Variants in CLIC5 observed in about 807,000 individuals in gnomAD.
CLIC5 encodes chloride intracellular channel protein 5.
A neutral mutation model predicts 24.7 loss-of-function variants in CLIC5; 20 were observed. The ratio of observed to expected loss-of-function variants is 0.81; its 90% CI spans 0.57 to 1.18. The LOEUF is 1.18. Among genes scored for constraint, CLIC5 ranks in the 50% most tolerant of loss-of-function variants. The pLI, the probability that CLIC5 is intolerant of heterozygous loss-of-function variation, is 0.00. For missense variants in CLIC5, 341 were observed against 326.1 expected (o/e 1.05, Z -0.35); for synonymous variants, 159 against 135.6 (o/e 1.17, Z -1.20).
At position 46,000,045 on chromosome 6, in the gene CLIC5, C is replaced by T. The variant is rs140434517; in HGVS notation, c.63+15435G>A. ...GATTACAGGCGTGAGCCACCGCGCC[C>T]GGCCTTCCTTGTGGTTTTTTAAATA... is the stretch of plus-strand genomic sequence containing the variant. On this transcript the variant is annotated intron_variant, in intron 1 of 5. Transcript: ENST00000339561. 3.0e-3 allele frequency among the ~76,000 whole-genome samples: 77 copies of T among 25,766 alleles called. 28 individuals are homozygous for T. The highest frequency in any genetic ancestry group is 0.012 in the African/African-American group (70 of 5,796). The allele number at this position is 25,766 out of a possible 152,430, so 16.9% of individuals were successfully genotyped here.
upstream of CLIC5, among the ~76,000 whole-genome samples, chr6:46,084,663 C>T (rs1438173677): frequency 6.6e-6 from 1 of 152,178 alleles, no homozygotes; most frequent in African/African-American, 2.4e-5. Flanking sequence ...TGATGGGCTT[C>T]CCTTTGTGGG....
chr6:46,065,804 G>T (rs966322144), intron 1 of CLIC5, among the ~76,000 whole-genome samples: 1 of 152,168 alleles, frequency 6.6e-6, no homozygotes, highest in Non-Finnish European at 1.5e-5. Flanking sequence ...CTTTTGAGGT[G>T]ATGGGAATGT....
At chr6:45,958,896 T>C (rs2045234591) in intron 1 of CLIC5, among the ~76,000 whole-genome samples, 1 of 152,132 alleles carries the variant, frequency 6.6e-6, no homozygotes, top group South Asian at 2.1e-4. Flanking sequence ...CCTCCCTTTT[T>C]GTGGCTTGAG....
At chr6:46,037,788 C>A (rs1767702338) in intron 1 of CLIC5, among the ~76,000 whole-genome samples, 1 of 152,136 alleles carries the variant, frequency 6.6e-6, no homozygotes, top group Non-Finnish European at 1.5e-5. Flanking sequence ...CTTGGGTGTG[C>A]ACCAGGGAAG....
At chr6:45,950,532 C>T (rs1403713220) in intron 2 of CLIC5, among the ~76,000 whole-genome samples, 1 of 152,202 alleles carries the variant, frequency 6.6e-6, no homozygotes, top group Non-Finnish European at 1.5e-5. Flanking sequence ...GATGGCACCA[C>T]TGCCCTCCAG....
At chr6:46,014,509 T>C (rs1766923268) in intron 1 of CLIC5, 1 of 152,208 alleles carries the variant, frequency 6.6e-6, no homozygotes, top group African/African-American at 2.4e-5. Flanking sequence ...TCCCCCTTTG[T>C]GAAAGGTCTT....
At chr6:46,021,085 A>G (rs1767165379) in intron 1 of CLIC5, among the ~76,000 whole-genome samples, 1 of 133,648 alleles carries the variant, frequency 7.5e-6, no homozygotes, top group Non-Finnish European at 1.6e-5. Context: ...AATTTTTACA[A>G]CTCAAAAAAA....
chr6:45,947,008 A>G (rs1253049417), intron 3 of CLIC5, among the ~76,000 whole-genome samples: 1 of 152,230 alleles, frequency 6.6e-6, no homozygotes, highest in East Asian at 1.9e-4. Flanking sequence ...CAGCGGGAGC[A>G]GAGCTCAGGA....
At chr6:45,999,401 G>A (rs193219565) in intron 1 of CLIC5, among the ~76,000 whole-genome samples, 1 of 152,118 alleles carries the variant, frequency 6.6e-6, no homozygotes, top group East Asian at 1.9e-4. Context: ...GTGGATGTGG[G>A]TATTTCAGTT....
In CLIC5 at chr6:45,902,966, A is replaced by C; in HGVS notation, c.*122T>G. 2 of 1,075,660 alleles carry C rather than the reference A, an allele frequency of 1.9e-6. No homozygotes were observed. The highest frequency in any genetic ancestry group is 1.4e-6 in the Non-Finnish European group (1 of 727,668). 66.6% of individuals were successfully genotyped at this position (1,075,660 alleles called of 1,614,324 possible). On this transcript the variant is annotated 3_prime_UTR_variant, in exon 6 of 6. Transcript: ENST00000339561. ...AGGCTGGAGTTCCCATGATACCAGC[A>C]AGATGAGGCTTGATTATAAAAAGTG...
At chr6:45,969,415 T>A (rs1255037477) in intron 1 of CLIC5, among the ~76,000 whole-genome samples, 1 of 152,112 alleles carries the variant, frequency 6.6e-6, no homozygotes. Flanking sequence ...AGAAGCACCC[T>A]TTTTGGAAGG....
chr6:46,095,204 T>A, the CLIC5 span, among the ~76,000 whole-genome samples: 1 of 151,780 alleles, frequency 6.6e-6, no homozygotes, highest in Non-Finnish European at 1.5e-5. Context: ...AGGTCTGTGA[T>A]GGGACGGGCT....
chr6:45,955,126 G>A lies in CLIC5; in HGVS notation c.173+9C>T, dbSNP rs373598794. ...TAAACATACTCCTCATTTATGCAAC[G>A]TACGTTACCTTTTCAGATCCACAGT... is the stretch of plus-strand genomic sequence containing the variant. On this transcript the variant is annotated intron_variant, in intron 2 of 5. Coordinates refer to ENST00000339561, the MANE Select transcript of CLIC5 (RefSeq NM_016929.5). 1.1e-5 allele frequency: 17 copies of A among 1,595,414 alleles called. No homozygotes were observed. Among genetic ancestry groups the A allele is most frequent in the Admixed American group, 1.7e-5 (1 of 59,772 alleles).
intron 1 of CLIC5, among the ~76,000 whole-genome samples, chr6:46,062,302 T>A (rs1311300545): frequency 6.6e-6 from 1 of 152,272 alleles, no homozygotes; most frequent in Non-Finnish European, 1.5e-5. Flanking sequence ...AATGCACTTG[T>A]GGTTCAACTT....
intron 3 of CLIC5, among the ~76,000 whole-genome samples, chr6:45,947,119 GA>G (rs1176059929): frequency 3.3e-5 from 5 of 152,200 alleles, no homozygotes; most frequent in African/African-American, 1.2e-4. Flanking sequence ...ATGAAATGAT[GA>G]CGAAGTCAGA....
chr6:45,964,838 C>A (rs544051215), intron 1 of CLIC5, among the ~76,000 whole-genome samples: 181 of 152,316 alleles, frequency 1.2e-3, no homozygotes, highest in African/African-American at 4.1e-3. Context: ...GTTTGTTACT[C>A]AGCAGGCAAC....
At chr6:45,945,096 G>A (rs1350703418) in intron 3 of CLIC5, among the ~76,000 whole-genome samples, 1 of 152,122 alleles carries the variant, frequency 6.6e-6, no homozygotes, top group Admixed American at 6.5e-5. Context: ...TAAGACCTAA[G>A]GTCACCAATT....
intron 5 of CLIC5, 55 bp downstream of exon 5, chr6:45,914,173 C>G (rs1375166035): frequency 1.4e-6 from 2 of 1,409,908 alleles, no homozygotes; most frequent in Non-Finnish European, 1.9e-6. Flanking sequence ...CACAGGTGAC[C>G]TGGGCCTAAG....
rs1410782134 is a variant in CLIC5 at position 46,006,709 on chromosome 6, C to T, written c.63+8771G>A. ...TTTTTTTTTTTTTGAGACAGTCTTG[C>T]TCTGTCACCAGGCTGGAGTACAGTG... On this transcript the variant is annotated intron_variant, in intron 1 of 5. Coordinates refer to ENST00000339561, the MANE Select transcript of CLIC5 (RefSeq NM_016929.5). Among the ~76,000 whole-genome samples the T allele has an allele frequency of 5.5e-5, 8 of 145,168 alleles. No homozygotes were observed. In the Admixed American group the frequency reaches 5.6e-4, roughly 10 times the overall value.
Sources: allele counts gnomAD v4.1 joint callset (sites outside exome capture counted in the v4.1 genomes callset), GRCh38; gene constraint gnomAD v4.1.1; transcripts MANE v1.5; gene names NCBI Gene and HGNC (gene_info 2026-07-23, HGNC 2026-07-21).